The following MRPS28 variants were observed in gnomAD, a reference collection of about 807,000 sequenced individuals.
MRPS28 encodes small ribosomal subunit protein bS1m.
A neutral mutation model predicts 10.8 loss-of-function variants in MRPS28; 7 were observed. That is an observed-to-expected ratio of 0.65 (90% CI 0.37 to 1.22). The LOEUF (loss-of-function observed/expected upper bound fraction) is 1.22. MRPS28 is among the 50% of genes most tolerant of loss of function. The pLI, the probability that MRPS28 is intolerant of heterozygous loss-of-function variation, is 0.02. For synonymous variants in MRPS28, 121 were observed against 93.3 expected, an observed-to-expected ratio of 1.30 and a Z score of -1.71; for missense variants, 265 against 232.9, an observed-to-expected ratio of 1.14 and a Z score of -0.90.
At chr8:79,976,444 C>T (rs913792578) in intron 2 of MRPS28, among the ~76,000 whole-genome samples, 5 of 152,144 alleles carry the variant, frequency 3.3e-5, no homozygotes, top group African/African-American at 9.7e-5. Context: ...ATGGCTCATG[C>T]CCATAATCCC....
At chr8:80,000,146 T>C (rs902039280) in intron 2 of MRPS28, among the ~76,000 whole-genome samples, 1 of 152,206 alleles carries the variant, frequency 6.6e-6, no homozygotes, top group Admixed American at 6.5e-5. Flanking sequence ...AGAGGTCTAG[T>C]AAGTATTTGT....
intron 2 of MRPS28, among the ~76,000 whole-genome samples, chr8:79,971,346 A>T (rs1432079207): frequency 6.6e-6 from 1 of 152,216 alleles, no homozygotes; most frequent in African/African-American, 2.4e-5. Flanking sequence ...TTTTAATTAA[A>T]ATATAATTCA....
chr8:79,985,132 C>T (rs867300661), intron 2 of MRPS28, among the ~76,000 whole-genome samples: 5 of 152,122 alleles, frequency 3.3e-5, no homozygotes, highest in African/African-American at 9.7e-5. Context: ...CACTCAAAAC[C>T]GCTCAACTAC....
At chr8:79,931,177 A>T (rs1806452166) in intron 2 of MRPS28, among the ~76,000 whole-genome samples, 2 of 152,202 alleles carry the variant, frequency 1.3e-5, no homozygotes, top group South Asian at 2.1e-4. Context: ...TGTCTTCACC[A>T]TTAAGAAGGA....
Position 80,011,822 on chromosome 8 carries a change from T to C in MRPS28, c.214-8642A>G, listed in dbSNP as rs147432561. On this transcript the variant is annotated intron_variant, in intron 1 of 2. Transcript: ENST00000276585. ...ACCAGATGACACTAAGATACAGTAG[T>C]AGCAGATCCAGTAGTTAAACTTTTA... 6.4e-3 allele frequency among the ~76,000 whole-genome samples: 971 copies of C among 152,230 alleles called. 6 individuals carry two copies. The highest frequency in any genetic ancestry group is 0.022 in the African/African-American group (907 of 41,536).
chr8:79,977,830 T>C (rs891666317), intron 2 of MRPS28, among the ~76,000 whole-genome samples: 4 of 151,432 alleles, frequency 2.6e-5, no homozygotes, highest in African/African-American at 7.3e-5. Flanking sequence ...ATAATAATAA[T>C]AATAATAATA....
intron 1 of MRPS28, among the ~76,000 whole-genome samples, chr8:80,019,100 G>C (rs1563544691): frequency 1.3e-5 from 2 of 151,954 alleles, no homozygotes; most frequent in African/African-American, 4.8e-5. Flanking sequence ...GGTACAAAGA[G>C]TAGTTAGAAA....
chr8:80,011,681 AG>A (rs1809054519), intron 1 of MRPS28, among the ~76,000 whole-genome samples: 1 of 152,116 alleles, frequency 6.6e-6, no homozygotes, highest in African/African-American at 2.4e-5. Flanking sequence ...TGAACCCAGG[AG>A]GCGGAGGTTG....
intron 2 of MRPS28, among the ~76,000 whole-genome samples, chr8:79,936,069 A>G (rs1285424448): frequency 6.6e-6 from 1 of 151,922 alleles, no homozygotes; most frequent in Non-Finnish European, 1.5e-5. Context: ...TAGAGGGGCC[A>G]GGTGTGGTGG....
chr8:79,976,605 C>G (rs1304440775), intron 2 of MRPS28, among the ~76,000 whole-genome samples: 1 of 152,040 alleles, frequency 6.6e-6, no homozygotes, highest in African/African-American at 2.4e-5. Flanking sequence ...ACACGGGAGG[C>G]TGAGGTGGGA....
intron 1 of MRPS28, among the ~76,000 whole-genome samples, chr8:80,019,596 C>T (rs145414011): frequency 4.8e-4 from 73 of 152,116 alleles, no homozygotes; most frequent in African/African-American, 1.7e-3. Context: ...CCCCTCTCAT[C>T]ACTGCTTTTC....
intron 2 of MRPS28, among the ~76,000 whole-genome samples, chr8:79,971,946 C>T (rs1365087354): frequency 6.6e-6 from 1 of 152,026 alleles, no homozygotes; most frequent in Non-Finnish European, 1.5e-5. Context: ...AGGATCTGCC[C>T]GCCTCAGCCT....
At chr8:79,942,348 G>T (rs1403576777) in intron 2 of MRPS28, among the ~76,000 whole-genome samples, 1 of 152,138 alleles carries the variant, frequency 6.6e-6, no homozygotes, top group Non-Finnish European at 1.5e-5. Context: ...TTCAAAAATT[G>T]CCATTAGCAT....
chr8:80,007,098 G>A (rs541125286), intron 1 of MRPS28, among the ~76,000 whole-genome samples: 2 of 152,266 alleles, frequency 1.3e-5, no homozygotes, highest in Non-Finnish European at 2.9e-5. Context: ...TCATTCCTGG[G>A]ATGCAAGGCT....
chr8:80,018,374 T>C (rs966942018), intron 1 of MRPS28, among the ~76,000 whole-genome samples: 4 of 150,440 alleles, frequency 2.7e-5, no homozygotes, highest in East Asian at 3.9e-4. Flanking sequence ...GCAAACAGGC[T>C]TATGAAAAAG....
intron 1 of MRPS28, among the ~76,000 whole-genome samples, chr8:80,009,428 AAAAT>A (rs758206724): frequency 2.0e-4 from 31 of 151,824 alleles, no homozygotes; most frequent in African/African-American, 6.8e-4. Flanking sequence ...AGTATAATAA[AAAAT>A]AAATAAATAA....
At chr8:79,988,661 G>A (rs1232061226) in intron 2 of MRPS28, among the ~76,000 whole-genome samples, 1 of 152,076 alleles carries the variant, frequency 6.6e-6, no homozygotes, top group Non-Finnish European at 1.5e-5. Context: ...ACACATAAAA[G>A]TATTCTTTAA....
At chr8:79,933,574 C>A (rs1192649762) in intron 2 of MRPS28, among the ~76,000 whole-genome samples, 1 of 152,142 alleles carries the variant, frequency 6.6e-6, no homozygotes, top group Non-Finnish European at 1.5e-5. Flanking sequence ...ATTAGTCACA[C>A]ATTATGTGCC....
chr8:79,996,307 C>A (rs1808500672), intron 2 of MRPS28, among the ~76,000 whole-genome samples: 1 of 152,160 alleles, frequency 6.6e-6, no homozygotes, highest in African/African-American at 2.4e-5. Flanking sequence ...AGATCCATTA[C>A]AAAACAAAGC....
Sources: allele counts gnomAD v4.1 joint callset (sites outside exome capture counted in the v4.1 genomes callset), GRCh38; gene constraint gnomAD v4.1.1; transcripts MANE v1.5; gene names NCBI Gene and HGNC (gene_info 2026-07-23, HGNC 2026-07-21).